Variants in LRRC4C observed in about 807,000 individuals in gnomAD.
LRRC4C encodes leucine rich repeat containing 4C.
LRRC4C carries 5 observed loss-of-function variants against 33.6 expected under a neutral mutation model. The observed-to-expected ratio is 0.15, with a 90% CI of 0.08 to 0.31. LRRC4C has a LOEUF of 0.31. Ranked by LOEUF, LRRC4C falls within the 10% of genes least tolerant of loss-of-function variation. The pLI is 1.00. For missense variants in LRRC4C, 560 were observed against 796.7 expected, an observed-to-expected ratio of 0.70 and a Z score of 3.58; for synonymous variants, 329 against 302.0, an observed-to-expected ratio of 1.09 and a Z score of -0.93.
intron 3 of LRRC4C, among the ~76,000 whole-genome samples, chr11:40,333,657 CA>C (rs1946460544): frequency 1.5e-5 from 2 of 135,412 alleles, no homozygotes; most frequent in Non-Finnish European, 3.0e-5. Flanking sequence ...GCGGAGGTTG[CA>C]GTGAGCTGAC....
At position 40,369,419 on chromosome 11, in the gene LRRC4C, C is replaced by T. The variant is rs200324633; in HGVS notation, c.-269-49698G>A. Among the ~76,000 whole-genome samples the T allele has an allele frequency of 2.0e-5, 3 of 152,266 alleles. No individual in the cohort carries two copies. In the East Asian group the frequency reaches 5.8e-4, roughly 29 times the overall value. ...GAGTGCAATGGCGCGATCTCGGAATCACCGCAAACTCTGCCTCCCGGGTTC... is the reference window on the plus strand; with the variant it reads ...GAGTGCAATGGCGCGATCTCGGAATTACCGCAAACTCTGCCTCCCGGGTTC... On this transcript the variant is annotated intron_variant, in intron 3 of 6. Transcript: ENST00000528697.
intron 1 of LRRC4C, among the ~76,000 whole-genome samples, chr11:41,176,302 T>C (rs1945196035): frequency 6.6e-6 from 1 of 152,196 alleles, no homozygotes; most frequent in South Asian, 2.1e-4. Flanking sequence ...AAGAGCTTTT[T>C]CTAAGTCTTT....
chr11:40,798,952 A>C (rs1322318226), intron 2 of LRRC4C, among the ~76,000 whole-genome samples: 1 of 152,104 alleles, frequency 6.6e-6, no homozygotes, highest in Non-Finnish European at 1.5e-5. Flanking sequence ...CTGTATTATA[A>C]GTTTCTTTTA....
chr11:40,373,631 GGAGGGGATGGTGATTCGATCA>G (rs1207378048), intron 3 of LRRC4C, among the ~76,000 whole-genome samples: 2 of 152,152 alleles, frequency 1.3e-5, no homozygotes, highest in African/African-American at 4.8e-5. Flanking sequence ...AGTAGGGCCT[GGAGGGGATGGTGATTCGATCA>G]TGGTGGCGGC....
At position 40,974,704 on chromosome 11, in the gene LRRC4C, T is replaced by C. The variant is rs1053016769; in HGVS notation, c.-495-40981A>G. On this transcript the variant is annotated intron_variant, in intron 1 of 6. Coordinates refer to ENST00000528697, the MANE Select transcript of LRRC4C (RefSeq NM_001258419.2). ...GTGTTTCCAGGGAACATTGCAAAGA[T>C]TGCAGTGTGATTCAGTGGACTAAGT... Among the ~76,000 whole-genome samples, 3 of 152,206 alleles carry C rather than the reference T, an allele frequency of 2.0e-5. No homozygotes were observed. The South Asian group carries it at 6.2e-4, about 31-fold the overall frequency.
In LRRC4C at chr11:41,037,024, T is replaced by A. The variant is rs1387651534; in HGVS notation, c.-495-103301A>T. Among the ~76,000 whole-genome samples the A allele has an allele frequency of 1.4e-4, 3 of 21,600 alleles. No individual in the cohort carries two copies. The East Asian group carries it at 4.6e-3, about 33-fold the overall frequency. 14.2% of individuals were successfully genotyped at this position (21,600 alleles called of 152,430 possible). On this transcript the variant is annotated intron_variant, in intron 1 of 6. Coordinates refer to ENST00000528697, the MANE Select transcript of LRRC4C (RefSeq NM_001258419.2). ...GCAAATAACCTGGAGTGGTACCCAA[T>A]TAAACAATGCCTAGTTTTGTGCTCA...
intron 1 of LRRC4C, among the ~76,000 whole-genome samples, chr11:40,990,739 T>C (rs1319289396): frequency 3.9e-5 from 6 of 152,244 alleles, no homozygotes; most frequent in African/African-American, 1.4e-4. Context: ...TAGCAGTCTC[T>C]GTATTTCAAA....
At chr11:40,518,583 A>C in intron 3 of LRRC4C, among the ~76,000 whole-genome samples, 1 of 152,226 alleles carries the variant, frequency 6.6e-6, no homozygotes, top group East Asian at 1.9e-4. Context: ...AATGGCAATC[A>C]TTAAAATGTC....
chr11:40,308,412 C>A (rs1945143373), intron 4 of LRRC4C, among the ~76,000 whole-genome samples: 1 of 152,210 alleles, frequency 6.6e-6, no homozygotes, highest in Non-Finnish European at 1.5e-5. Flanking sequence ...CCCTCAACCT[C>A]CCCAAAATGT....
intron 2 of LRRC4C, among the ~76,000 whole-genome samples, chr11:40,848,401 A>C (rs1953304240): frequency 6.6e-6 from 1 of 152,106 alleles, no homozygotes; most frequent in East Asian, 1.9e-4. Flanking sequence ...TCCTTTCATT[A>C]TTTACCCAGT....
intron 5 of LRRC4C, among the ~76,000 whole-genome samples, chr11:40,175,316 C>A (rs902679244): frequency 3.3e-5 from 5 of 152,212 alleles, no homozygotes; most frequent in Non-Finnish European, 7.3e-5. Flanking sequence ...GGTAAAAATG[C>A]GTGAGCATTT....
At chr11:40,622,728 C>G (rs1962571366) in intron 3 of LRRC4C, among the ~76,000 whole-genome samples, 1 of 151,784 alleles carries the variant, frequency 6.6e-6, no homozygotes, top group Non-Finnish European at 1.5e-5. Context: ...AGCCTCAGGT[C>G]CACTGTTTTC....
intron 1 of LRRC4C, among the ~76,000 whole-genome samples, chr11:41,074,837 T>A (rs1166402758): frequency 6.6e-6 from 1 of 152,068 alleles, no homozygotes; most frequent in Admixed American, 6.6e-5. Flanking sequence ...TAAGCTTATT[T>A]TAGGCATGGT....
At chr11:40,291,768 T>C (rs1944207851) in intron 4 of LRRC4C, among the ~76,000 whole-genome samples, 1 of 152,200 alleles carries the variant, frequency 6.6e-6, no homozygotes, top group Non-Finnish European at 1.5e-5. Context: ...TCTGTTGATC[T>C]GCAATGTCAG....
chr11:41,296,885 T>C (rs1308222868), intron 1 of LRRC4C, among the ~76,000 whole-genome samples: 1 of 152,220 alleles, frequency 6.6e-6, no homozygotes, highest in Non-Finnish European at 1.5e-5. Context: ...AAGTACTTCT[T>C]GAATTTGTCA....
intron 3 of LRRC4C, among the ~76,000 whole-genome samples, chr11:40,420,546 G>T (rs1215187315): frequency 1.3e-5 from 2 of 152,054 alleles, no homozygotes; most frequent in African/African-American, 4.8e-5. Flanking sequence ...TTGAATCTTG[G>T]TTTTTCTTCT....
chr11:41,281,384 T>C (rs1235568003), intron 1 of LRRC4C, among the ~76,000 whole-genome samples: 1 of 152,168 alleles, frequency 6.6e-6, no homozygotes, highest in African/African-American at 2.4e-5. Flanking sequence ...CGTATAAATA[T>C]TCATGGCAGC....
At chr11:40,973,984 T>C (rs1410197961) in intron 1 of LRRC4C, among the ~76,000 whole-genome samples, 1 of 152,184 alleles carries the variant, frequency 6.6e-6, no homozygotes, top group Non-Finnish European at 1.5e-5. Context: ...CAAGGCCATG[T>C]GTGCAAACCA....
intron 3 of LRRC4C, among the ~76,000 whole-genome samples, chr11:40,524,381 T>C (rs2135254833): frequency 6.6e-6 from 1 of 152,338 alleles, no homozygotes; most frequent in South Asian, 2.1e-4. Flanking sequence ...AAATTTATTG[T>C]ATTCTATTAA....
Sources: allele counts gnomAD v4.1 joint callset (sites outside exome capture counted in the v4.1 genomes callset), GRCh38; gene constraint gnomAD v4.1.1; transcripts MANE v1.5; gene names NCBI Gene and HGNC (gene_info 2026-07-23, HGNC 2026-07-21).